Variants in DAB1 observed in about 807,000 individuals in gnomAD.
DAB1 encodes disabled homolog 1.
A neutral mutation model predicts 64.6 loss-of-function variants in DAB1; 15 were observed. That is an observed-to-expected ratio of 0.23 (90% CI 0.16 to 0.36). The LOEUF is 0.36. Ranked by LOEUF, DAB1 falls within the 10% of genes least tolerant of loss-of-function variation. The pLI, the probability that DAB1 is intolerant of heterozygous loss-of-function variation, is 1.00. For missense variants in DAB1, 596 were observed against 706.7 expected, an observed-to-expected ratio of 0.84 and a Z score of 1.78; for synonymous variants, 235 against 251.9, an observed-to-expected ratio of 0.93 and a Z score of 0.64.
chr1:57,925,628 A>G (rs1364030813), intron 5 of DAB1, among the ~76,000 whole-genome samples: 2 of 152,240 alleles, frequency 1.3e-5, no homozygotes, highest in African/African-American at 4.8e-5. Flanking sequence ...ATAGTTATAA[A>G]GAATATCCAT....
chr1:58,077,768 C>T (rs1248267364), intron 5 of DAB1, among the ~76,000 whole-genome samples: 1 of 152,130 alleles, frequency 6.6e-6, no homozygotes, highest in African/African-American at 2.4e-5. Flanking sequence ...GGAGCACGTT[C>T]CCCTCATGCT....
At chr1:58,228,969 A>C in intron 4 of DAB1, 1 of 448,772 alleles carries the variant, frequency 2.2e-6, no homozygotes, top group Non-Finnish European at 4.4e-6. Flanking sequence ...CTGTCACAGC[A>C]CATGCTCCAC....
At chr1:57,070,802 G>A (rs1651377708) in intron 7 of DAB1, 2 of 570,890 alleles carry the variant, frequency 3.5e-6, no homozygotes, top group African/African-American at 3.8e-5. Context: ...CAAGAAGGGA[G>A]AAGCGGATCT....
At chr1:57,828,440 T>C (rs980346569) in intron 1 of DAB1, among the ~76,000 whole-genome samples, 2 of 152,198 alleles carry the variant, frequency 1.3e-5, no homozygotes, top group Non-Finnish European at 1.5e-5. Flanking sequence ...GCAGTAATCT[T>C]GGGGACTGAG....
intron 7 of DAB1, among the ~76,000 whole-genome samples, chr1:57,584,248 C>G (rs1039738109): frequency 6.6e-6 from 1 of 152,152 alleles, no homozygotes; most frequent in Non-Finnish European, 1.5e-5. Context: ...GTCTATAAAT[C>G]TTCTTCTACC....
chr1:58,176,780 C>T (rs1482645770), intron 4 of DAB1, among the ~76,000 whole-genome samples: 3 of 152,120 alleles, frequency 2.0e-5, no homozygotes, highest in Non-Finnish European at 2.9e-5. Context: ...GAGATTGAAA[C>T]CATCCTCGCT....
intron 6 of DAB1, among the ~76,000 whole-genome samples, chr1:57,767,994 C>A (rs1471742199): frequency 2.0e-5 from 3 of 151,542 alleles, no homozygotes; most frequent in African/African-American, 7.3e-5. Context: ...CTGGCCAACA[C>A]AGCAAAACCC....
intron 1 of DAB1, among the ~76,000 whole-genome samples, chr1:57,369,998 C>G (rs1387201522): frequency 1.3e-5 from 2 of 152,208 alleles, no homozygotes; most frequent in Non-Finnish European, 2.9e-5. Flanking sequence ...AGTATTTCTT[C>G]TCAGCCCTTG....
At chr1:56,999,401 G>A (rs1645758767) in intron 14 of DAB1, among the ~76,000 whole-genome samples, 3 of 152,204 alleles carry the variant, frequency 2.0e-5, no homozygotes. Context: ...GTGACCATGA[G>A]GAGGGAGAGA....
intron 6 of DAB1, among the ~76,000 whole-genome samples, chr1:57,739,927 G>A (rs114219960): frequency 0.02 from 2,959 of 151,502 alleles, 83 homozygotes; most frequent in African/African-American, 0.069. Flanking sequence ...AGGCGTGGTC[G>A]CTCATGTCTG....
chr1:57,092,472 C>T (rs518258), intron 4 of DAB1, among the ~76,000 whole-genome samples: 80,207 of 151,496 alleles, frequency 0.53, 21,675 homozygotes, highest in South Asian at 0.64. Flanking sequence ...GTTTTATAAA[C>T]GGCAGTTTAC....
chr1:58,420,886 GAACA>G (rs1223019194), intron 3 of DAB1, among the ~76,000 whole-genome samples: 2 of 152,084 alleles, frequency 1.3e-5, no homozygotes, highest in Non-Finnish European at 2.9e-5. Flanking sequence ...CAGTGATTTG[GAACA>G]ATAAACGCAG....
intron 6 of DAB1, among the ~76,000 whole-genome samples, chr1:57,668,314 T>C (rs1353847557): frequency 1.3e-5 from 2 of 152,144 alleles, no homozygotes; most frequent in Non-Finnish European, 2.9e-5. Flanking sequence ...AGCACTGTTC[T>C]AGTTCCTTCA....
intron 5 of DAB1, among the ~76,000 whole-genome samples, chr1:58,109,625 T>C (rs1404431827): frequency 6.6e-6 from 1 of 151,906 alleles, no homozygotes; most frequent in Non-Finnish European, 1.5e-5. Flanking sequence ...GTCTGATTTG[T>C]CCAGCTTGCA....
At chr1:58,500,450 A>G (rs912464556) in intron 3 of DAB1, among the ~76,000 whole-genome samples, 1 of 152,190 alleles carries the variant, frequency 6.6e-6, no homozygotes, top group African/African-American at 2.4e-5. Flanking sequence ...ACTTTGTCCA[A>G]TTATAAACGT....
intron 5 of DAB1, among the ~76,000 whole-genome samples, chr1:58,132,067 C>T (rs1258935354): frequency 2.0e-5 from 3 of 152,144 alleles, no homozygotes; most frequent in African/African-American, 4.8e-5. Context: ...CTCAATGCCG[C>T]CTTGCAGTTT....
chr1:57,505,112 T>C (rs764297898), intron 7 of DAB1, among the ~76,000 whole-genome samples: 33 of 152,104 alleles, frequency 2.2e-4, no homozygotes, highest in Middle Eastern at 3.4e-3. Context: ...ATTGGTTTGT[T>C]GTAAAAAAAA....
chr1:57,805,988 G>A (rs35620738), intron 6 of DAB1, among the ~76,000 whole-genome samples: 1 of 152,110 alleles, frequency 6.6e-6, no homozygotes, highest in African/African-American at 2.4e-5. Flanking sequence ...TAACAAATTA[G>A]GTAATGCAAT....
intron 1 of DAB1, among the ~76,000 whole-genome samples, chr1:57,410,232 C>G (rs1357477831): frequency 6.6e-6 from 1 of 152,190 alleles, no homozygotes; most frequent in African/African-American, 2.4e-5. Context: ...AAATAGTTCA[C>G]TACAGGGGCA....
Sources: allele counts gnomAD v4.1 joint callset (sites outside exome capture counted in the v4.1 genomes callset), GRCh38; gene constraint gnomAD v4.1.1; transcripts MANE v1.5; gene names NCBI Gene and HGNC (gene_info 2026-07-23, HGNC 2026-07-21).